Variants in KCNJ6 observed in about 807,000 individuals in gnomAD.
The protein encoded by KCNJ6 is G protein-activated inward rectifier potassium channel 2.
Under a neutral mutation model 34.2 loss-of-function variants are expected in KCNJ6, and 9 were observed. The ratio of observed to expected loss-of-function variants is 0.26; its 90% CI spans 0.16 to 0.46. KCNJ6 has a LOEUF of 0.46. Among genes scored for constraint, KCNJ6 ranks in the 20% least tolerant of loss-of-function variants. The pLI, the probability that KCNJ6 is intolerant of heterozygous loss-of-function variation, is 1.00. For synonymous variants in KCNJ6, 196 were observed against 207.1 expected, an observed-to-expected ratio of 0.95 and a Z score of 0.46; for missense variants, 236 against 531.3, an observed-to-expected ratio of 0.44 and a Z score of 5.46.
intron 2 of KCNJ6, among the ~76,000 whole-genome samples, chr21:37,839,493 C>G (rs1168598884): frequency 1.3e-5 from 2 of 152,150 alleles, no homozygotes; most frequent in African/African-American, 4.8e-5. Flanking sequence ...TACCATGCTA[C>G]AGAGGAAGAC....
chr21:37,893,584 G>A (rs187924727), intron 1 of KCNJ6, among the ~76,000 whole-genome samples: 1 of 151,372 alleles, frequency 6.6e-6, no homozygotes, highest in Non-Finnish European at 1.5e-5. Flanking sequence ...CCAGCACTGT[G>A]TGTATAAATG....
intron 1 of KCNJ6, among the ~76,000 whole-genome samples, chr21:37,863,846 G>GTTTTTTTTTTTTTTTTA (rs772060420): frequency 1.0e-5 from 1 of 97,042 alleles, no homozygotes; most frequent in Non-Finnish European, 2.0e-5. Flanking sequence ...AAATATAAAG[G>GTTTTTTTTTTTTTTTTA]TTTTTTTTTT....
rs78053718 is a variant in KCNJ6, at chr21:37,769,383, A to C, written c.26-54252T>G. Reference sequence around the variant, plus strand: ...TTCTTAGTTGTGAAAGACTTAAGTAAGACCTGATCTGGTCCTGTAGCCTTC... The same window carrying C: ...TTCTTAGTTGTGAAAGACTTAAGTACGACCTGATCTGGTCCTGTAGCCTTC... On this transcript the variant is annotated intron_variant, in intron 2 of 3. Transcript: ENST00000609713. Among the ~76,000 whole-genome samples the C allele has an allele frequency of 2.4e-3, 367 of 151,548 alleles. 3 individuals are homozygous for C. The East Asian group carries it at 0.036, about 15-fold the overall frequency.
chr21:37,803,707 T>C lies in KCNJ6; in HGVS notation c.25+36951A>G, dbSNP rs1203595121. Among the ~76,000 whole-genome samples, 4 of 152,234 alleles carry C rather than the reference T, an allele frequency of 2.6e-5. No homozygotes were observed. In the East Asian group the frequency reaches 7.7e-4, roughly 29 times the overall value. On this transcript the variant is annotated intron_variant, in intron 2 of 3. Transcript: ENST00000609713. The stretch of plus-strand genomic sequence containing the variant: ...ACCAGCAGGCAAAACGATGAGGAAG[T>C]GCTGTCCTATTTGCTTCAAATTAAA...
At chr21:37,672,102 T>C (rs148746219) in intron 3 of KCNJ6, among the ~76,000 whole-genome samples, 2 of 152,300 alleles carry the variant, frequency 1.3e-5, no homozygotes, top group African/African-American at 4.8e-5. Flanking sequence ...TCTCTACCTG[T>C]AGTCTAGGAG....
intron 2 of KCNJ6, among the ~76,000 whole-genome samples, chr21:37,732,018 A>T (rs140474604): frequency 1.4e-4 from 21 of 152,270 alleles, no homozygotes; most frequent in Non-Finnish European, 2.4e-4. Context: ...TGCAAGACAC[A>T]CTCATCTTAG....
rs2054281998 is a variant in KCNJ6 at position 37,619,013 on chromosome 21, C to A, written c.*6146G>T. On this transcript the variant is annotated 3_prime_UTR_variant, in exon 4 of 4. Transcript: ENST00000609713. ...TTCCATGCAGTTGAAGGGTCACAAG[C>A]TTTTTGCATGATCTATATTGTAGAT... The A allele has an allele frequency of 6.6e-6, 1 of 152,212 alleles. No homozygotes were observed. The highest frequency in any genetic ancestry group is 1.5e-5 in the Non-Finnish European group (1 of 68,038). 9.4% of individuals were successfully genotyped at this position (152,212 alleles called of 1,614,324 possible).
chr21:37,911,425 T>C (rs943226543), intron 1 of KCNJ6, among the ~76,000 whole-genome samples: 1 of 152,192 alleles, frequency 6.6e-6, no homozygotes, highest in Non-Finnish European at 1.5e-5. Context: ...GAATCAATTA[T>C]CTTTTGGTAC....
chr21:37,646,771 C>T (rs1224184224), intron 3 of KCNJ6, among the ~76,000 whole-genome samples: 2 of 151,696 alleles, frequency 1.3e-5, no homozygotes, highest in East Asian at 1.9e-4. Flanking sequence ...CCCGGGTTCA[C>T]GGCATTCTCC....
intron 2 of KCNJ6, among the ~76,000 whole-genome samples, chr21:37,794,359 C>T (rs1009223479): frequency 1.1e-4 from 16 of 152,160 alleles, no homozygotes; most frequent in African/African-American, 3.9e-4. Flanking sequence ...TCCTTAACCC[C>T]TCATGCCTCA....
chr21:37,898,495 T>G (rs2055800309), intron 1 of KCNJ6, among the ~76,000 whole-genome samples: 1 of 146,606 alleles, frequency 6.8e-6, no homozygotes, highest in Non-Finnish European at 1.5e-5. Context: ...GGCAGAAGAA[T>G]AGCTAGAACC....
At chr21:37,859,915 G>C (rs946405359) in intron 1 of KCNJ6, among the ~76,000 whole-genome samples, 1 of 152,056 alleles carries the variant, frequency 6.6e-6, no homozygotes, top group Non-Finnish European at 1.5e-5. Context: ...GCTTCTTAGC[G>C]TATCTCCTGG....
At chr21:37,645,076 T>C (rs887542737) in intron 3 of KCNJ6, among the ~76,000 whole-genome samples, 1 of 145,946 alleles carries the variant, frequency 6.9e-6, no homozygotes, top group African/African-American at 2.5e-5. Context: ...CCAAAAGCAA[T>C]AGATTTTTTA....
rs1424603258 is a variant in KCNJ6, at chr21:37,675,206, A to G, written c.946+39005T>C. 1.3e-5 allele frequency among the ~76,000 whole-genome samples: 2 copies of G among 152,196 alleles called. No individual in the cohort carries two copies. Among genetic ancestry groups the G allele is most frequent in the African/African-American group, 4.8e-5 (2 of 41,458 alleles). ...TGTAGCAGGGGCTCCGTTTTGAACTACTGGCCTGTGCAAAACCAAAAGTCT... is the reference window on the plus strand; with the variant it reads ...TGTAGCAGGGGCTCCGTTTTGAACTGCTGGCCTGTGCAAAACCAAAAGTCT... On this transcript the variant is annotated intron_variant, in intron 3 of 3. Transcript: ENST00000609713. This position sits in a 1 kb window ranked among gnomAD's most constrained non-coding sequence, Gnocchi z 4.2.
intron 1 of KCNJ6, among the ~76,000 whole-genome samples, chr21:37,842,012 TGACA>T (rs1171587524): frequency 3.9e-4 from 59 of 152,366 alleles, no homozygotes; most frequent in African/African-American, 1.4e-3. Flanking sequence ...AGGTTGTACC[TGACA>T]GTGTATAAAA....
At chr21:37,862,630 CTG>C (rs2055600259) in intron 1 of KCNJ6, among the ~76,000 whole-genome samples, 1 of 152,230 alleles carries the variant, frequency 6.6e-6, no homozygotes, top group Non-Finnish European at 1.5e-5. Flanking sequence ...GCTGCAGAGA[CTG>C]TGTTTACCCT....
intron 3 of KCNJ6, among the ~76,000 whole-genome samples, chr21:37,704,438 TTTAGACTCA>T (rs2054708286): frequency 6.6e-6 from 1 of 152,216 alleles, no homozygotes; most frequent in Non-Finnish European, 1.5e-5. Flanking sequence ...CTTAGTCTAT[TTTAGACTCA>T]GTCTCTACAG....
At chr21:37,861,277 C>G (rs187789223) in intron 1 of KCNJ6, among the ~76,000 whole-genome samples, 1 of 152,124 alleles carries the variant, frequency 6.6e-6, no homozygotes, top group Admixed American at 6.5e-5. Flanking sequence ...AGTCCAAGAC[C>G]AAGGTTTCAG....
At chr21:37,845,818 C>A (rs138820119) in intron 1 of KCNJ6, among the ~76,000 whole-genome samples, 6 of 152,274 alleles carry the variant, frequency 3.9e-5, no homozygotes, top group African/African-American at 1.4e-4. Context: ...ACTATGCAAC[C>A]CACACCTGTA....
Sources: allele counts gnomAD v4.1 joint callset (sites outside exome capture counted in the v4.1 genomes callset), GRCh38; gene constraint gnomAD v4.1.1; non-coding constraint Gnocchi (gnomAD v3.1); transcripts MANE v1.5; gene names NCBI Gene and HGNC (gene_info 2026-07-23, HGNC 2026-07-21).